F13A1: variants seen among roughly 807,000 people sequenced by gnomAD.
The protein encoded by F13A1 is coagulation factor XIII A chain.
Under a neutral mutation model 80.1 loss-of-function variants are expected in F13A1, and 47 were observed. The ratio of observed to expected loss-of-function variants is 0.59; its 90% CI spans 0.46 to 0.75. F13A1 has a LOEUF of 0.75. Ranked by LOEUF, F13A1 falls within the 30% of genes least tolerant of loss-of-function variation. F13A1 has a pLI of 0.00. For synonymous variants in F13A1, 349 were observed against 344.9 expected (o/e 1.01, Z -0.13); for missense variants, 817 against 930.4 (o/e 0.88, Z 1.59).
chr6:6,315,934 G>A (rs1781793), intron 2 of F13A1, among the ~76,000 whole-genome samples: 1,624 of 150,816 alleles, frequency 0.011, 73 homozygotes, highest in East Asian at 0.1. Flanking sequence ...AGCAAATTTC[G>A]TCCCTTAGTG....
chr6:6,248,560 A>G (rs993966554), intron 5 of F13A1, 141 bp from the exon 6 acceptor site: 2 of 702,852 alleles, frequency 2.8e-6, no homozygotes, highest in Admixed American at 4.3e-5. Context: ...AATCTTTAGT[A>G]TGAAATATTA....
chr6:6,156,377 T>C (rs979856533), intron 13 of F13A1, among the ~76,000 whole-genome samples: 2 of 152,204 alleles, frequency 1.3e-5, no homozygotes, highest in East Asian at 1.9e-4. Context: ...TATCTTCCAC[T>C]AAGCATATGC....
At chr6:6,220,571 G>C (rs919459630) in intron 8 of F13A1, among the ~76,000 whole-genome samples, 1 of 150,942 alleles carries the variant, frequency 6.6e-6, no homozygotes, top group South Asian at 2.1e-4. Context: ...GTCTGTCTGT[G>C]TGTGTGTGTG....
chr6:6,314,606 A>G (rs978770566), intron 2 of F13A1, among the ~76,000 whole-genome samples: 4 of 152,202 alleles, frequency 2.6e-5, no homozygotes, highest in African/African-American at 9.7e-5. Flanking sequence ...ACCGCTAGAC[A>G]TTGATTTCTG....
chr6:6,263,335 C>T (rs1399291320), intron 4 of F13A1, among the ~76,000 whole-genome samples: 2 of 152,174 alleles, frequency 1.3e-5, no homozygotes, highest in African/African-American at 2.4e-5. Context: ...CATATTTCCA[C>T]ACTATATGGC....
At chr6:6,169,764 C>A (rs533382852) in intron 12 of F13A1, among the ~76,000 whole-genome samples, 8 of 152,324 alleles carry the variant, frequency 5.3e-5, no homozygotes, top group Non-Finnish European at 2.9e-5. Context: ...AACAAAGTAT[C>A]CAGCCCATAA....
intron 14 of F13A1, among the ~76,000 whole-genome samples, chr6:6,150,235 G>A (rs1044569925): frequency 2.0e-5 from 3 of 152,206 alleles, no homozygotes; most frequent in Admixed American, 6.5e-5. Context: ...TTGCCTGAAC[G>A]ATTCTTGCAT....
At position 6,214,517 on chromosome 6, in the gene F13A1, C is replaced by T. The variant is rs1246583747; in HGVS notation, c.1112+7516G>A. On this transcript the variant is annotated intron_variant, in intron 8 of 14. Coordinates refer to ENST00000264870, the MANE Select transcript of F13A1 (RefSeq NM_000129.4). The stretch of plus-strand genomic sequence containing the variant: ...ACACAACATACCAGAATCTCAGGGA[C>T]GCATTCAAAGCAGTGTGTAGAGGGA... Among the ~76,000 whole-genome samples, 6 of 103,116 alleles carry T rather than the reference C, an allele frequency of 5.8e-5. 1 individual carries two copies. The highest frequency in any genetic ancestry group is 4.3e-4 in the East Asian group (2 of 4,624). 67.6% of individuals were successfully genotyped at this position (103,116 alleles called of 152,430 possible).
intron 3 of F13A1, among the ~76,000 whole-genome samples, chr6:6,289,265 G>C (rs1150853): frequency 0.84 from 128,339 of 152,034 alleles, 54,774 homozygotes; most frequent in East Asian, 1. Flanking sequence ...AGTCCAAGCC[G>C]CCTCTTTCCC....
At chr6:6,186,730 C>T (rs1039561439) in intron 10 of F13A1, among the ~76,000 whole-genome samples, 1 of 152,006 alleles carries the variant, frequency 6.6e-6, no homozygotes, top group African/African-American at 2.4e-5. Context: ...TCCATATGAA[C>T]TTTAAAGTAG....
chr6:6,198,550 AT>A (rs1255031029), intron 8 of F13A1, among the ~76,000 whole-genome samples: 24 of 152,158 alleles, frequency 1.6e-4, no homozygotes, highest in Admixed American at 1.6e-3. Flanking sequence ...AGTGCAGCCC[AT>A]TTTTGATTGG....
chr6:6,243,195 A>G lies in F13A1; in HGVS notation c.798+5117T>C, dbSNP rs765338688. ...CACCACTACCACCATCACTCCCACC[A>G]CCATCACTCCTACCATCACCACCAC... On this transcript the variant is annotated intron_variant, in intron 6 of 14. Transcript: ENST00000264870. The surrounding 1 kb of genome is among the most constrained non-coding windows in gnomAD (Gnocchi z 4.2). 1.6e-4 allele frequency among the ~76,000 whole-genome samples: 24 copies of G among 151,076 alleles called. No homozygotes were observed. Among genetic ancestry groups the G allele is most frequent in the Non-Finnish European group, 3.4e-4 (23 of 67,702 alleles).
intron 8 of F13A1, chr6:6,206,607 G>C (rs1045264979): frequency 2.0e-6 from 1 of 506,922 alleles, no homozygotes; most frequent in Non-Finnish European, 4.1e-6. Context: ...GGGTACCTGA[G>C]AGGAACGGGA....
chr6:6,283,972 G>A (rs576019380), intron 3 of F13A1, among the ~76,000 whole-genome samples: 2 of 152,304 alleles, frequency 1.3e-5, no homozygotes, highest in East Asian at 1.9e-4. Context: ...AAATCAACTC[G>A]CAAGGGGTTA....
At position 6,174,793 on chromosome 6, in the gene F13A1, C is replaced by T. The variant is rs1760850999; in HGVS notation, c.1534G>A (p.Val512Ile). The T allele has an allele frequency of 6.2e-7, 1 of 1,614,078 alleles. No individual in the cohort carries two copies. Among genetic ancestry groups the T allele is most frequent in the Non-Finnish European group, 8.5e-7 (1 of 1,180,036 alleles). The change falls in exon 12 of 15, where the codon GTC (valine) becomes ATC (isoleucine). Residue 512 changes from valine to isoleucine, a missense_variant. Coordinates refer to ENST00000264870, the MANE Select transcript of F13A1 (RefSeq NM_000129.4). ...TCAACGTTGGACCTTGATTTCATGA[C>T]ACCTTCTGTGTTGAGGGGCTTTTTA... ...GAKKPLNTEG[V>I]MKSRSNVDMD... is the part of the protein sequence containing the mutation.
At chr6:6,226,550 C>T (rs142928142) in intron 6 of F13A1, among the ~76,000 whole-genome samples, 1 of 152,302 alleles carries the variant, frequency 6.6e-6, no homozygotes, top group East Asian at 1.9e-4. Context: ...TGCTGCCTCA[C>T]CAACTAACAA....
intron 4 of F13A1, among the ~76,000 whole-genome samples, chr6:6,259,091 T>A (rs1001007068): frequency 6.6e-6 from 1 of 152,254 alleles, no homozygotes; most frequent in Non-Finnish European, 1.5e-5. Context: ...ACTTTGAATT[T>A]TTCTGAATGA....
At chr6:6,199,848 T>C (rs1253665845) in intron 8 of F13A1, among the ~76,000 whole-genome samples, 9 of 152,156 alleles carry the variant, frequency 5.9e-5, no homozygotes, top group South Asian at 4.2e-4. Context: ...ACTGCAATAG[T>C]GGACCAGAAA....
chr6:6,209,530 C>T (rs543109001), intron 8 of F13A1, among the ~76,000 whole-genome samples: 1 of 152,200 alleles, frequency 6.6e-6, no homozygotes, highest in South Asian at 2.1e-4. Context: ...AACATATGTT[C>T]ACATAAAAAC....
Sources: gnomAD v4.1 joint callset for allele counts (sites outside exome capture counted in the v4.1 genomes callset) on GRCh38, gnomAD v4.1.1 for gene constraint, Gnocchi (gnomAD v3.1) non-coding constraint, MANE v1.5 for transcripts, NCBI Gene and HGNC (gene_info 2026-07-23, HGNC 2026-07-21) for gene names.